The following KCNT2 variants were observed in gnomAD, a reference collection of about 807,000 sequenced individuals.
KCNT2 encodes the protein potassium sodium-activated channel subfamily T member 2.
Under a neutral mutation model 153.8 loss-of-function variants are expected in KCNT2, and 67 were observed. The ratio of observed to expected loss-of-function variants is 0.44; its 90% CI spans 0.36 to 0.53. The LOEUF (loss-of-function observed/expected upper bound fraction) is 0.53, where lower values mean the gene tolerates loss of function less well. KCNT2 is among the 20% of genes least tolerant of loss of function. KCNT2 has a pLI of 0.00. For synonymous variants in KCNT2, 500 were observed against 458.8 expected, an observed-to-expected ratio of 1.09 and a Z score of -1.15; for missense variants, 975 against 1,354.8, an observed-to-expected ratio of 0.72 and a Z score of 4.40.
intron 18 of KCNT2, 88 bp from the exon 19 acceptor site, chr1:196,326,977 T>G: frequency 1.4e-6 from 1 of 727,544 alleles, no homozygotes; most frequent in South Asian, 1.9e-5. Flanking sequence ...AATGTAAAAT[T>G]AATTGAACAA....
chr1:196,357,677 A>G (rs956683113), intron 14 of KCNT2, among the ~76,000 whole-genome samples: 1 of 151,836 alleles, frequency 6.6e-6, no homozygotes, highest in Non-Finnish European at 1.5e-5. Flanking sequence ...GTTGCAATGG[A>G]TGGCTAGTAG....
At chr1:196,333,438 T>C (rs1664685442) in intron 17 of KCNT2, among the ~76,000 whole-genome samples, 1 of 152,132 alleles carries the variant, frequency 6.6e-6, no homozygotes, top group African/African-American at 2.4e-5. Context: ...TGGAAGGGGC[T>C]GTGTTTTCAT....
intron 19 of KCNT2, among the ~76,000 whole-genome samples, chr1:196,321,837 A>G (rs1663348074): frequency 6.6e-6 from 1 of 152,018 alleles, no homozygotes; most frequent in African/African-American, 2.4e-5. Context: ...TAAATTGTGC[A>G]TTTACATGTA....
Position 196,521,243 on chromosome 1 carries a change from T to C in KCNT2, c.96-28902A>G, listed in dbSNP as rs568187259. ...GAAAAGCAAATCAAAACCACAATGATATACCATCTCACACCAGTAAGAATG... is the reference window on the plus strand; with the variant it reads ...GAAAAGCAAATCAAAACCACAATGACATACCATCTCACACCAGTAAGAATG... On this transcript the variant is annotated intron_variant, in intron 1 of 27. Transcript: ENST00000294725. Among the ~76,000 whole-genome samples the C allele has an allele frequency of 3.9e-4, 59 of 152,190 alleles. 1 individual carries two copies. Among genetic ancestry groups the C allele is most frequent in the African/African-American group, 1.4e-3 (58 of 41,544 alleles).
At chr1:196,526,447 A>C (rs546936550) in intron 1 of KCNT2, among the ~76,000 whole-genome samples, 1 of 151,424 alleles carries the variant, frequency 6.6e-6, no homozygotes. Flanking sequence ...CTTACCATGT[A>C]GGTTTTTTGT....
chr1:196,342,383 G>A (rs6658788), intron 14 of KCNT2, 155 bp from the exon 15 acceptor site: 180,093 of 378,002 alleles, frequency 0.48, 46,705 homozygotes, highest in East Asian at 0.71. Context: ...GTCTGAAGAT[G>A]ACATTATATG....
At chr1:196,470,969 T>G (rs1678050879) in intron 5 of KCNT2, among the ~76,000 whole-genome samples, 1 of 143,688 alleles carries the variant, frequency 7.0e-6, no homozygotes, top group African/African-American at 2.6e-5. Context: ...AAGCTCCGCC[T>G]CCCTGGGTTC....
chr1:196,355,328 G>A (rs972546881), intron 14 of KCNT2, among the ~76,000 whole-genome samples: 1 of 151,600 alleles, frequency 6.6e-6, no homozygotes. Context: ...AGAAATCTGA[G>A]TTCTAAGATT....
At chr1:196,453,146 C>A (rs1676366159) in intron 8 of KCNT2, among the ~76,000 whole-genome samples, 1 of 151,864 alleles carries the variant, frequency 6.6e-6, no homozygotes, top group Non-Finnish European at 1.5e-5. Context: ...TAAGTAACAG[C>A]ACCAATAGCT....
At chr1:196,593,255 C>T (rs1487096186) in intron 1 of KCNT2, among the ~76,000 whole-genome samples, 1 of 147,420 alleles carries the variant, frequency 6.8e-6, no homozygotes, top group Non-Finnish European at 1.5e-5. Flanking sequence ...GCCATTAATT[C>T]ATTCCTTTTT....
intron 1 of KCNT2, among the ~76,000 whole-genome samples, chr1:196,510,279 T>C (rs554723920): frequency 6.6e-6 from 1 of 152,238 alleles, no homozygotes; most frequent in East Asian, 1.9e-4. Context: ...TATTTACTAA[T>C]AAACCCTGGG....
At chr1:196,396,242 C>G (rs771732561) in intron 13 of KCNT2, among the ~76,000 whole-genome samples, 1 of 151,634 alleles carries the variant, frequency 6.6e-6, no homozygotes, top group East Asian at 1.9e-4. Context: ...ACAGCAAAAG[C>G]AGAACCAGTA....
intron 8 of KCNT2, among the ~76,000 whole-genome samples, chr1:196,432,555 C>T (rs181349060): frequency 1.4e-4 from 21 of 152,248 alleles, no homozygotes; most frequent in Admixed American, 1.4e-3. Flanking sequence ...ATTCTCAAAC[C>T]TCAGGATTTA....
chr1:196,432,086 T>C (rs954516590), intron 8 of KCNT2, among the ~76,000 whole-genome samples: 2 of 152,076 alleles, frequency 1.3e-5, no homozygotes, highest in Admixed American at 6.6e-5. Context: ...TCTGGTGCAG[T>C]GCTCTTTGGC....
intron 1 of KCNT2, among the ~76,000 whole-genome samples, chr1:196,587,455 T>C (rs1024892674): frequency 8.6e-5 from 13 of 152,028 alleles, no homozygotes; most frequent in African/African-American, 2.9e-4. Flanking sequence ...TAAAGAAGCA[T>C]ATGACTTTTA....
Position 196,457,829 on chromosome 1 carries a change from C to T in KCNT2, c.638+7464G>A, listed in dbSNP as rs149728505. Among the ~76,000 whole-genome samples, 84 of 151,984 alleles carry T rather than the reference C, an allele frequency of 5.5e-4. 1 individual carries two copies. The highest frequency in any genetic ancestry group is 2.0e-3 in the African/African-American group (81 of 41,504). ...ACCTAGAAGAGATTGCACTCAATTG[C>T]TGCTTGAGAGTACAGGTGAGAGAGC... On this transcript the variant is annotated intron_variant, in intron 8 of 27. Transcript: ENST00000294725.
intron 26 of KCNT2, chr1:196,257,709 T>C: frequency 1.0e-6 from 1 of 983,288 alleles, no homozygotes; most frequent in Non-Finnish European, 1.2e-6. Context: ...TAAAGCAGTA[T>C]TTGAGCTTCA....
intron 25 of KCNT2, among the ~76,000 whole-genome samples, chr1:196,275,798 T>C (rs1028795342): frequency 5.9e-5 from 9 of 152,008 alleles, no homozygotes; most frequent in Non-Finnish European, 8.8e-5. Context: ...ATGTTCTTCA[T>C]AGTACAGAGT....
chr1:196,392,113 C>T (rs916614910), intron 13 of KCNT2, among the ~76,000 whole-genome samples: 2 of 150,964 alleles, frequency 1.3e-5, no homozygotes, highest in Admixed American at 6.6e-5. Context: ...TTTAGGTATG[C>T]GTACAAAGAG....
Sources: gnomAD v4.1 joint callset for allele counts (sites outside exome capture counted in the v4.1 genomes callset) on GRCh38, gnomAD v4.1.1 for gene constraint, MANE v1.5 for transcripts, NCBI Gene and HGNC (gene_info 2026-07-23, HGNC 2026-07-21) for gene names.